PRDM16: variants seen among roughly 807,000 people sequenced by gnomAD.
PRDM16 encodes PR/SET domain 16, also known as histone-lysine N-methyltransferase PRDM16.
Under a neutral mutation model 110.6 loss-of-function variants are expected in PRDM16, and 23 were observed. The observed-to-expected ratio is 0.21, with a 90% CI of 0.15 to 0.29. The LOEUF (loss-of-function observed/expected upper bound fraction) is 0.29, where lower values mean the gene tolerates loss of function less well. Among genes scored for constraint, PRDM16 ranks in the 10% least tolerant of loss-of-function variants. PRDM16 has a pLI of 1.00. For missense variants in PRDM16, 1,615 were observed against 1,794.3 expected (o/e 0.90, Z 1.81); for synonymous variants, 799 against 781.8 (o/e 1.02, Z -0.37).
chr1:3,405,388 A>T, intron 7 of PRDM16, 107 bp from the exon 8 acceptor site: 2 of 1,299,502 alleles, frequency 1.5e-6, no homozygotes, highest in South Asian at 3.1e-5. Flanking sequence ...ACGTGGCAAG[A>T]GAGACAGGCA....
chr1:3,268,976 C>T (rs1438488683), intron 3 of PRDM16, among the ~76,000 whole-genome samples: 2 of 152,236 alleles, frequency 1.3e-5, no homozygotes, highest in Admixed American at 6.5e-5. Flanking sequence ...GTTCCCACCC[C>T]CAGGGAGCCT....
At chr1:3,257,541 C>T (rs1640077825) in intron 3 of PRDM16, among the ~76,000 whole-genome samples, 1 of 151,692 alleles carries the variant, frequency 6.6e-6, no homozygotes, top group African/African-American at 2.4e-5. Flanking sequence ...AAAAATAAGA[C>T]TTTGTTACTT....
At chr1:3,082,572 C>T (rs1426494779) in intron 1 of PRDM16, among the ~76,000 whole-genome samples, 3 of 152,222 alleles carry the variant, frequency 2.0e-5, no homozygotes, top group East Asian at 1.9e-4. Context: ...GGTGCAGCTC[C>T]GAGGGTCACT....
chr1:3,392,401 G>GA (rs566166819), intron 4 of PRDM16, among the ~76,000 whole-genome samples: 10 of 152,014 alleles, frequency 6.6e-5, no homozygotes, highest in Non-Finnish European at 1.3e-4. Context: ...TCGCTTGATG[G>GA]AAAAAATTCA....
chr1:3,432,584 G>A (rs1557674354), intron 16 of PRDM16, among the ~76,000 whole-genome samples: 1 of 152,194 alleles, frequency 6.6e-6, no homozygotes, highest in Admixed American at 6.5e-5. Flanking sequence ...AGGGTGCCAG[G>A]GTTTTGGCCC....
intron 3 of PRDM16, among the ~76,000 whole-genome samples, chr1:3,266,294 C>T (rs1296835476): frequency 6.6e-6 from 1 of 152,210 alleles, no homozygotes; most frequent in African/African-American, 2.4e-5. Context: ...CTGCCTGGCA[C>T]AGCCGGACGC....
intron 3 of PRDM16, among the ~76,000 whole-genome samples, chr1:3,313,687 G>A (rs982088428): frequency 1.5e-4 from 23 of 152,190 alleles, no homozygotes; most frequent in African/African-American, 3.4e-4. Flanking sequence ...AGGGGCTTCC[G>A]CCAGTGCCGC....
In PRDM16 at chr1:3,290,961, C is replaced by T. The variant is rs771149819; in HGVS notation, c.438+46824C>T. ...ATCGGGGGCCTTATTAACCTTCTTA[C>T]GATGTGATAGGAGCGGCTTGGCCTC... On this transcript the variant is annotated intron_variant, in intron 3 of 16. Transcript: ENST00000270722. The surrounding 1 kb of genome is among the most constrained non-coding windows in gnomAD (Gnocchi z 4.8). Among the ~76,000 whole-genome samples the T allele has an allele frequency of 6.6e-5, 10 of 152,074 alleles. No homozygotes were observed. Among genetic ancestry groups the T allele is most frequent in the South Asian group, 2.1e-4 (1 of 4,824 alleles).
In PRDM16 at chr1:3,385,152, A is replaced by T; in HGVS notation, c.439A>T (p.Ile147Phe). 6.2e-7 allele frequency: 1 copy of T among 1,613,436 alleles called. No individual in the cohort carries two copies. Among genetic ancestry groups the T allele is most frequent in the Non-Finnish European group, 8.5e-7 (1 of 1,180,012 alleles). ...TCCCGCTTCGCTTTCCTCCCAGCAG[A>T]TCTCCGAAGACCTGGGCAGTGAGAA... Reference protein sequence around the residue: ...VSPQEGCITKISEDLGSEKFC... With the variant: ...VSPQEGCITKFSEDLGSEKFC... Residue 147 changes from isoleucine to phenylalanine, a missense_variant and splice_region_variant, in exon 4 of 17, where the codon ATC becomes TTC. Physicochemically the swap from Ile to Phe is conservative, Grantham distance 21 (BLOSUM62 0). This residue lies in a region of PRDM16 where 416 missense variants were observed against 467.1 expected (regional missense o/e 0.89). Transcript: ENST00000270722.
chr1:3,414,785 A>C (rs1301068054), intron 10 of PRDM16, 138 bp downstream of exon 10: 4 of 664,460 alleles, frequency 6.0e-6, no homozygotes, highest in Non-Finnish European at 1.1e-5. Context: ...CCTCAAAGGC[A>C]GAGGAGGATT....
chr1:3,300,130 T>G (rs111921832), intron 3 of PRDM16, among the ~76,000 whole-genome samples: 8 of 89,352 alleles, frequency 9.0e-5, no homozygotes, highest in East Asian at 5.3e-4. Context: ...ACTCTGCCCT[T>G]GTTGAAGATG....
intron 8 of PRDM16, 129 bp downstream of exon 8, chr1:3,405,777 T>C (rs1056295149): frequency 3.2e-6 from 3 of 925,524 alleles, no homozygotes; most frequent in East Asian, 3.0e-5. Flanking sequence ...AAAGCACTCA[T>C]GGCAGGTTCT....
intron 3 of PRDM16, among the ~76,000 whole-genome samples, chr1:3,328,322 C>T (rs1641964512): frequency 6.6e-6 from 1 of 152,228 alleles, no homozygotes; most frequent in Non-Finnish European, 1.5e-5. Flanking sequence ...GTGGGGGGTG[C>T]TCACAACATC....
chr1:3,220,053 C>G (rs922054133), intron 2 of PRDM16, among the ~76,000 whole-genome samples: 4 of 152,182 alleles, frequency 2.6e-5, no homozygotes, highest in Non-Finnish European at 4.4e-5. Context: ...TAAAAGCCCC[C>G]GAGTGGGCTC....
At chr1:3,141,669 T>C (rs2742666) in intron 1 of PRDM16, among the ~76,000 whole-genome samples, 77,463 of 151,794 alleles carry the variant, frequency 0.51, 20,939 homozygotes, top group Non-Finnish European at 0.59. Flanking sequence ...CCACAGTGGC[T>C]CGTTAAGGAG....
At chr1:3,248,596 A>G (rs1463039079) in intron 3 of PRDM16, among the ~76,000 whole-genome samples, 1 of 152,224 alleles carries the variant, frequency 6.6e-6, no homozygotes, top group African/African-American at 2.4e-5. Flanking sequence ...AGGAGGGTCA[A>G]AAATAAATCG....
At chr1:3,098,623 C>T (rs1303829716) in intron 1 of PRDM16, among the ~76,000 whole-genome samples, 2 of 152,202 alleles carry the variant, frequency 1.3e-5, no homozygotes, top group African/African-American at 4.8e-5. Context: ...GGAGCGTGGC[C>T]ACTGCACTGG....
chr1:3,087,263 A>ACCAGCCCCACCTGAGG (rs1349503771), intron 1 of PRDM16, among the ~76,000 whole-genome samples: 1 of 144,666 alleles, frequency 6.9e-6, no homozygotes, highest in Non-Finnish European at 1.5e-5. Context: ...CCCACCTGAG[A>ACCAGCCCCACCTGAGG]CCAGCCCCAC....
intron 12 of PRDM16, among the ~76,000 whole-genome samples, chr1:3,424,459 C>T (rs1638534125): frequency 4.6e-5 from 7 of 152,250 alleles, no homozygotes; most frequent in Admixed American, 4.6e-4. Context: ...CTCTGATAAA[C>T]TCAGGGTGTT....
Sources: gnomAD v4.1 joint callset for allele counts (sites outside exome capture counted in the v4.1 genomes callset) on GRCh38, gnomAD v4.1.1 for gene constraint, gnomAD v4.1.1 regional missense constraint, Gnocchi (gnomAD v3.1) non-coding constraint, MANE v1.5 for transcripts, NCBI Gene and HGNC (gene_info 2026-07-23, HGNC 2026-07-21) for gene names.